The following DNASE1 variants were observed in gnomAD, a reference collection of about 807,000 sequenced individuals.
DNASE1 encodes deoxyribonuclease-1.
Under a neutral mutation model 33.9 loss-of-function variants are expected in DNASE1, and 40 were observed. The observed-to-expected ratio is 1.18, with a 90% CI of 0.92 to 1.54. The LOEUF (loss-of-function observed/expected upper bound fraction) is 1.54. DNASE1 is among the 40% of genes most tolerant of loss of function. The probability of loss-of-function intolerance (pLI) is 0.00; values close to 1 mark genes in which losing one functional copy is unlikely to be tolerated. For synonymous variants in DNASE1, 216 were observed against 160.0 expected (o/e 1.35, Z -2.64); for missense variants, 518 against 372.6 (o/e 1.39, Z -3.21).
chr16:3,620,362 A>G (rs1283662419), intron 1 of DNASE1, among the ~76,000 whole-genome samples: 1 of 151,344 alleles, frequency 6.6e-6, no homozygotes, highest in Non-Finnish European at 1.5e-5. Flanking sequence ...TAGTAAAGAA[A>G]CCTTTTATTT....
chr16:3,612,263 T>A (rs2040906768), intron 1 of DNASE1, among the ~76,000 whole-genome samples: 1 of 152,148 alleles, frequency 6.6e-6, no homozygotes, highest in Non-Finnish European at 1.5e-5. Context: ...TGTTGTTTGT[T>A]TTTTGAGACG....
At chr16:3,644,285 G>A (rs1047989422) in intron 1 of DNASE1, among the ~76,000 whole-genome samples, 10 of 152,018 alleles carry the variant, frequency 6.6e-5, no homozygotes, top group East Asian at 1.9e-4. Context: ...AAATTAGGCC[G>A]GGTGCAGTGG....
chr16:3,636,401 A>G (rs74719267), intron 1 of DNASE1, among the ~76,000 whole-genome samples: 8,352 of 152,286 alleles, frequency 0.055, 281 homozygotes, highest in Admixed American at 0.073. Flanking sequence ...AGCTGTGATA[A>G]TTCTAACATC....
At chr16:3,648,737 G>C (rs1217386878) in intron 1 of DNASE1, among the ~76,000 whole-genome samples, 1 of 152,148 alleles carries the variant, frequency 6.6e-6, no homozygotes, top group Non-Finnish European at 1.5e-5. Context: ...CCAGTTATGG[G>C]TCAGTGTTCT....
intron 1 of DNASE1, among the ~76,000 whole-genome samples, chr16:3,629,856 C>G (rs143578525): frequency 5.3e-5 from 8 of 152,258 alleles, no homozygotes; most frequent in African/African-American, 1.9e-4. Flanking sequence ...CTCTGTTATC[C>G]AGGCTGGAGT....
At chr16:3,616,136 C>G (rs1348935426) in intron 1 of DNASE1, among the ~76,000 whole-genome samples, 1 of 152,240 alleles carries the variant, frequency 6.6e-6, no homozygotes, top group African/African-American at 2.4e-5. Context: ...ATGAGTTACA[C>G]TGCATTTCTT....
At chr16:3,633,885 T>C (rs1724230397) in intron 1 of DNASE1, among the ~76,000 whole-genome samples, 1 of 151,998 alleles carries the variant, frequency 6.6e-6, no homozygotes, top group South Asian at 2.1e-4. Context: ...CTCGGCTCAC[T>C]GCAAGCTCTG....
chr16:3,655,587 C>T (rs2042550768), intron 2 of DNASE1, 67 bp downstream of exon 2: 4 of 1,609,154 alleles, frequency 2.5e-6, no homozygotes, highest in Admixed American at 3.3e-5. Flanking sequence ...TGGGCAGGGC[C>T]AGCCCTATGG....
chr16:3,612,616 C>A (rs536125966), intron 1 of DNASE1, among the ~76,000 whole-genome samples: 1 of 144,444 alleles, frequency 6.9e-6, no homozygotes, highest in Non-Finnish European at 1.5e-5. Flanking sequence ...CACTATGTTG[C>A]CCAGGCTGGT....
intron 1 of DNASE1, among the ~76,000 whole-genome samples, chr16:3,634,392 C>G (rs1231281218): frequency 6.6e-6 from 1 of 151,318 alleles, no homozygotes; most frequent in African/African-American, 2.4e-5. Flanking sequence ...CCATGCCCGG[C>G]TCATTTTTTG....
chr16:3,661,829 A>G, downstream of DNASE1: 1 of 952,308 alleles, frequency 1.1e-6, no homozygotes, highest in Non-Finnish European at 1.4e-6. Context: ...TCCATTTCAC[A>G]TGGGTGCAGC....
chr16:3,662,625 C>T (rs760370772), downstream of DNASE1: 15 of 663,722 alleles, frequency 2.3e-5, no homozygotes, highest in Non-Finnish European at 3.9e-5. Context: ...GCAGCTCCCA[C>T]TCAGGATGCT....
At position 3,658,048 on chromosome 16, in the gene DNASE1, A is replaced by G. The variant is rs926379083; in HGVS notation, c.*95A>G. 16 of 1,607,458 alleles carry G rather than the reference A, an allele frequency of 1.0e-5. No individual in the cohort carries two copies. The South Asian group carries it at 1.3e-4, about 13-fold the overall frequency. ...AGCCCAACACACACTCGGGTTAAGAAATACCTTTAAATTTAGGTAAATAAA... is the reference window on the plus strand; with the variant it reads ...AGCCCAACACACACTCGGGTTAAGAGATACCTTTAAATTTAGGTAAATAAA... On this transcript the variant is annotated 3_prime_UTR_variant, in exon 9 of 9. Transcript: ENST00000246949.
At chr16:3,625,625 A>G (rs543535714) in intron 1 of DNASE1, among the ~76,000 whole-genome samples, 2 of 152,102 alleles carry the variant, frequency 1.3e-5, no homozygotes, top group Non-Finnish European at 2.9e-5. Flanking sequence ...CCTGTGTCAA[A>G]AAATAAATAA....
upstream of DNASE1, among the ~76,000 whole-genome samples, chr16:3,642,410 C>T (rs895653906): frequency 6.6e-6 from 1 of 152,242 alleles, no homozygotes; most frequent in South Asian, 2.1e-4. Context: ...CCCCTCCCTC[C>T]TTCCTCAGAG....
intron 1 of DNASE1, among the ~76,000 whole-genome samples, chr16:3,616,034 G>A (rs1392938037): frequency 6.6e-6 from 1 of 152,136 alleles, no homozygotes; most frequent in Admixed American, 6.5e-5. Context: ...ATTTACTGTT[G>A]TATAGTCACA....
chr16:3,643,068 CT>C (rs2042069139), intron 1 of DNASE1: 1 of 152,606 alleles, frequency 6.6e-6, no homozygotes. Context: ...CGCACAGGCT[CT>C]TCTCCCTGGG....
At chr16:3,640,013 C>G (rs1488115741), upstream of DNASE1, among the ~76,000 whole-genome samples, 1 of 152,210 alleles carries the variant, frequency 6.6e-6, no homozygotes, top group Non-Finnish European at 1.5e-5. Flanking sequence ...TTAGAGACTT[C>G]TGAACTTTTC....
At chr16:3,647,487 T>C (rs1286426299) in intron 1 of DNASE1, among the ~76,000 whole-genome samples, 2 of 152,122 alleles carry the variant, frequency 1.3e-5, no homozygotes, top group African/African-American at 4.8e-5. Context: ...TTACCTAGAC[T>C]GGTTTTGAAC....
Sources: allele counts gnomAD v4.1 joint callset (sites outside exome capture counted in the v4.1 genomes callset), GRCh38; gene constraint gnomAD v4.1.1; transcripts MANE v1.5; gene names NCBI Gene and HGNC (gene_info 2026-07-23, HGNC 2026-07-21).